The following MAN1A2 variants were observed in gnomAD, a reference collection of about 807,000 sequenced individuals.
The protein encoded by MAN1A2 is mannosyl-oligosaccharide 1,2-alpha-mannosidase IB.
A neutral mutation model predicts 75.7 loss-of-function variants in MAN1A2; 26 were observed. That is an observed-to-expected ratio of 0.34 (90% CI 0.25 to 0.48). The LOEUF (loss-of-function observed/expected upper bound fraction) is 0.48. MAN1A2 is among the 20% of genes least tolerant of loss of function. MAN1A2 has a pLI of 0.99. For missense variants in MAN1A2, 562 were observed against 775.5 expected (o/e 0.72, Z 3.27); for synonymous variants, 247 against 264.6 (o/e 0.93, Z 0.65).
intron 1 of MAN1A2, 83 bp from the exon 2 acceptor site, chr1:117,402,103 G>A (rs1468632215): frequency 7.3e-7 from 1 of 1,378,592 alleles, no homozygotes; most frequent in East Asian, 2.3e-5. Flanking sequence ...GGGTTTAATG[G>A]AGAAACCTTT....
At position 117,522,734 on chromosome 1, in the gene MAN1A2, G is replaced by C. The variant is rs753518650; in HGVS notation, c.1794-91G>C. On this transcript the variant is annotated intron_variant, in intron 12 of 12. Coordinates refer to ENST00000356554, the MANE Select transcript of MAN1A2 (RefSeq NM_006699.5). Reference sequence around the variant, plus strand: ...TTTTCATCAAAGCTGCTCAAAATACGTTATTGGTTTTCTGTGCCATTAAAA... The same window carrying C: ...TTTTCATCAAAGCTGCTCAAAATACCTTATTGGTTTTCTGTGCCATTAAAA... The C allele has an allele frequency of 7.2e-6, 8 of 1,104,860 alleles. No homozygotes were observed. In the East Asian group the frequency reaches 1.4e-4, roughly 20 times the overall value. The allele number at this position is 1,104,860 out of a possible 1,614,324, so 68.4% of individuals were successfully genotyped here. A position where few individuals can be genotyped will look rare whatever the true frequency, so the allele number is the denominator to read the frequency against.
chr1:117,452,307 C>CAA (rs35889322), intron 6 of MAN1A2, among the ~76,000 whole-genome samples: 7 of 142,538 alleles, frequency 4.9e-5, no homozygotes, highest in Non-Finnish European at 6.1e-5. Flanking sequence ...GACTCTGTCT[C>CAA]AAAAAAAAAA....
At position 117,367,471 on chromosome 1, in the gene MAN1A2, GGCGGCGGCC is replaced by G. The variant is rs1652799551; in HGVS notation, c.-704_-696del. 2 of 153,640 alleles carry G rather than the reference GGCGGCGGCC, an allele frequency of 1.3e-5. No individual in the cohort carries two copies. Among genetic ancestry groups the G allele is most frequent in the South Asian group, 3.7e-4 (2 of 5,444 alleles). The allele number at this position is 153,640 out of a possible 1,614,324, so 9.5% of individuals were successfully genotyped here. ...GACAGACCCGTGCGGTAGCAACAGC[GGCGGCGGCC>G]GCGGCGGCTGGCCGGACTCAGGTGT... is the stretch of plus-strand genomic sequence containing the variant. On this transcript the variant is annotated 5_prime_UTR_variant, in exon 1 of 13. Coordinates refer to ENST00000356554, the MANE Select transcript of MAN1A2 (RefSeq NM_006699.5).
In MAN1A2 at chr1:117,510,039, G is replaced by T. The variant is rs148471710; in HGVS notation, c.1793+7069G>T. Among the ~76,000 whole-genome samples the T allele has an allele frequency of 7.8e-3, 1,188 of 151,606 alleles. 7 individuals carry two copies. The highest frequency in any genetic ancestry group is 0.027 in the African/African-American group (1,130 of 41,388). On this transcript the variant is annotated intron_variant, in intron 12 of 12. Coordinates refer to ENST00000356554, the MANE Select transcript of MAN1A2 (RefSeq NM_006699.5). ...ATTTCCACCTTTTTATCTAGGAAAG[G>T]TTTCCATATTGGCATATATAAATCC...
At chr1:117,520,432 T>C (rs542161588) in intron 12 of MAN1A2, among the ~76,000 whole-genome samples, 38 of 152,120 alleles carry the variant, frequency 2.5e-4, no homozygotes, top group Admixed American at 1.5e-3. Context: ...AAGACTCCTC[T>C]AGAGAGCTCC....
At position 117,474,217 on chromosome 1, in the gene MAN1A2, CTCTT is replaced by C. The variant is rs1182329756; in HGVS notation, c.1168+7794_1168+7797del. 3.9e-5 allele frequency among the ~76,000 whole-genome samples: 6 copies of C among 152,064 alleles called. No homozygotes were observed. In the East Asian group the frequency reaches 1.2e-3, roughly 30 times the overall value. On this transcript the variant is annotated intron_variant, in intron 8 of 12. Transcript: ENST00000356554. The stretch of plus-strand genomic sequence containing the variant: ...TGAGAATATATATATGTATACTTTT[CTCTT>C]TCTATTTTATCTAACAAATCCCAAA...
At chr1:117,494,113 C>T (rs1650970175) in intron 9 of MAN1A2, 1 of 152,176 alleles carries the variant, frequency 6.6e-6, no homozygotes, top group Non-Finnish European at 1.5e-5. Flanking sequence ...CTGAAGGTTG[C>T]ATTGCTGGTA....
chr1:117,424,286 C>T (rs1010868934), intron 5 of MAN1A2, among the ~76,000 whole-genome samples: 3 of 152,128 alleles, frequency 2.0e-5, no homozygotes, highest in African/African-American at 7.2e-5. Context: ...ACATCTACTA[C>T]AAAGTTGAAT....
intron 6 of MAN1A2, among the ~76,000 whole-genome samples, chr1:117,454,953 A>G: frequency 6.6e-6 from 1 of 152,142 alleles, no homozygotes; most frequent in East Asian, 1.9e-4. Flanking sequence ...AAAATGGAAT[A>G]CTAAAAACTA....
chr1:117,458,067 A>G (rs1218936475), intron 6 of MAN1A2, among the ~76,000 whole-genome samples: 1 of 152,178 alleles, frequency 6.6e-6, no homozygotes, highest in African/African-American at 2.4e-5. Flanking sequence ...AATATGTAAA[A>G]AGCCTTTTTT....
chr1:117,389,421 C>T (rs1002331973), intron 1 of MAN1A2, among the ~76,000 whole-genome samples: 6 of 152,072 alleles, frequency 3.9e-5, no homozygotes, highest in Admixed American at 2.0e-4. Flanking sequence ...GTAGGGTTTG[C>T]GCTGCTATGG....
At chr1:117,416,810 C>T (rs1648008787) in intron 4 of MAN1A2, among the ~76,000 whole-genome samples, 1 of 152,070 alleles carries the variant, frequency 6.6e-6, no homozygotes, top group African/African-American at 2.4e-5. Context: ...GTTACTGGTA[C>T]CTCAGGAAGA....
chr1:117,459,916 C>T (rs749428680), intron 6 of MAN1A2, among the ~76,000 whole-genome samples: 13 of 152,130 alleles, frequency 8.5e-5, no homozygotes, highest in Non-Finnish European at 1.6e-4. Context: ...CACTACAGGG[C>T]AGTTTATAAC....
chr1:117,517,317 T>C (rs1288636968), intron 12 of MAN1A2, among the ~76,000 whole-genome samples: 2 of 152,330 alleles, frequency 1.3e-5, no homozygotes, highest in African/African-American at 2.4e-5. Flanking sequence ...CAGTACAATG[T>C]GATCAATAAT....
intron 12 of MAN1A2, among the ~76,000 whole-genome samples, chr1:117,513,064 G>T (rs969270): frequency 0.22 from 32,693 of 151,832 alleles, 4,567 homozygotes; most frequent in East Asian, 0.42. Flanking sequence ...GTAAACATCA[G>T]CCTTACTTGA....
chr1:117,402,782 A>G (rs1647483297), intron 2 of MAN1A2, among the ~76,000 whole-genome samples: 1 of 152,068 alleles, frequency 6.6e-6, no homozygotes, highest in Admixed American at 6.5e-5. Flanking sequence ...TTCAGTTACA[A>G]AGGGACTCTG....
chr1:117,454,733 T>G (rs1313203483), intron 6 of MAN1A2, among the ~76,000 whole-genome samples: 1 of 152,196 alleles, frequency 6.6e-6, no homozygotes, highest in African/African-American at 2.4e-5. Context: ...TTTTGGTCTT[T>G]GTTTAAAGCA....
chr1:117,478,230 T>G (rs1650382197), intron 8 of MAN1A2, among the ~76,000 whole-genome samples: 1 of 151,960 alleles, frequency 6.6e-6, no homozygotes, highest in Non-Finnish European at 1.5e-5. Flanking sequence ...TTTATCTTCT[T>G]TGATGAATTA....
chr1:117,474,335 T>C (rs139464005), intron 8 of MAN1A2, among the ~76,000 whole-genome samples: 1 of 151,898 alleles, frequency 6.6e-6, no homozygotes, highest in African/African-American at 2.4e-5. Flanking sequence ...AGATTAAAGT[T>C]ACTATAAACG....
Sources: allele counts gnomAD v4.1 joint callset (sites outside exome capture counted in the v4.1 genomes callset), GRCh38; gene constraint gnomAD v4.1.1; transcripts MANE v1.5; gene names NCBI Gene and HGNC (gene_info 2026-07-23, HGNC 2026-07-21).